KPNA1: variants seen among roughly 807,000 people sequenced by gnomAD.
The protein encoded by KPNA1 is importin subunit alpha-5.
In KPNA1, 10 loss-of-function variants were observed where a neutral mutation model predicts 70.5. The ratio of observed to expected loss-of-function variants is 0.14; its 90% CI spans 0.09 to 0.24. The LOEUF (loss-of-function observed/expected upper bound fraction) is 0.24. KPNA1 is among the 10% of genes least tolerant of loss of function. The pLI is 1.00. For missense variants in KPNA1, 397 were observed against 637.9 expected (o/e 0.62, Z 4.07); for synonymous variants, 192 against 221.9 (o/e 0.87, Z 1.20).
At chr3:122,492,193 A>G (rs191575475) in intron 2 of KPNA1, among the ~76,000 whole-genome samples, 1 of 152,192 alleles carries the variant, frequency 6.6e-6, no homozygotes, top group African/African-American at 2.4e-5. Context: ...TTTCTTTCCA[A>G]TCCTGCTCTG....
At chr3:122,452,097 A>G in intron 6 of KPNA1, 33 bp from the exon 7 acceptor site, 1 of 1,371,964 alleles carries the variant, frequency 7.3e-7, no homozygotes, top group South Asian at 1.2e-5. Flanking sequence ...TAAAGGTTAC[A>G]TAGTTTAATT....
intron 11 of KPNA1, among the ~76,000 whole-genome samples, 177 bp downstream of exon 11, chr3:122,436,993 T>C (rs1184109871): frequency 1.3e-5 from 2 of 152,280 alleles, no homozygotes; most frequent in African/African-American, 2.4e-5. Flanking sequence ...TTGACCAGGA[T>C]AGTCTTGAAC....
In KPNA1 at chr3:122,433,657, T is replaced by C; in HGVS notation, c.1250+4A>G. The C allele has an allele frequency of 6.3e-7, 1 of 1,592,244 alleles. No individual in the cohort carries two copies. Among genetic ancestry groups the C allele is most frequent in the Non-Finnish European group, 8.5e-7 (1 of 1,173,802 alleles). On this transcript the variant is annotated splice_donor_region_variant and intron_variant, in intron 12 of 13. Transcript: ENST00000344337. ...TTACAATATGCTGCCTGATTGGTAC[T>C]TACTTGATCTGTTCAGCTGATCCTC...
intron 2 of KPNA1, among the ~76,000 whole-genome samples, chr3:122,491,963 G>A (rs9862542): frequency 0.098 from 13,777 of 140,078 alleles, 1,488 homozygotes; most frequent in African/African-American, 0.27. Context: ...CCGGGTTCAC[G>A]CCATTCTCCT....
intron 5 of KPNA1, among the ~76,000 whole-genome samples, chr3:122,457,114 ATT>A (rs2076272971): frequency 1.0e-5 from 1 of 97,580 alleles, no homozygotes; most frequent in Non-Finnish European, 2.5e-5. Flanking sequence ...TGTTAAACGT[ATT>A]TATGTTTTTA....
rs57991855 is a variant in KPNA1 at position 122,429,446 on chromosome 3, CAAAAA to C, written c.1251-1735_1251-1731del. On this transcript the variant is annotated intron_variant, in intron 12 of 13. Coordinates refer to ENST00000344337, the MANE Select transcript of KPNA1 (RefSeq NM_002264.4). ...TGGGCGAAAGAGCGAAACTCTGTCT[CAAAAA>C]AAAAAAAAAAAAAAAAAAGAATCTC... Among the ~76,000 whole-genome samples the C allele has an allele frequency of 1.9e-4, 11 of 58,782 alleles. No individual in the cohort carries two copies. In the South Asian group the frequency reaches 2.5e-3, roughly 13 times the overall value. The allele number at this position is 58,782 out of a possible 152,430, so 38.6% of individuals were successfully genotyped here. A position where few individuals can be genotyped will look rare whatever the true frequency, so the allele number is the denominator to read the frequency against.
In KPNA1 at chr3:122,460,588, G is replaced by A. The variant is rs531773284; in HGVS notation, c.432+636C>T. 2.6e-3 allele frequency: 682 copies of A among 261,050 alleles called. 10 individuals are homozygous for A. Among genetic ancestry groups the A allele is most frequent in the Middle Eastern group, 0.017 (9 of 542 alleles). The allele number at this position is 261,050 out of a possible 1,614,324, so 16.2% of individuals were successfully genotyped here. ...GGAGATGGAATTTGCAGTGAGCTGA[G>A]ATCTTGCCACTGCACTCCAGCATGG... On this transcript the variant is annotated intron_variant, in intron 5 of 13. Transcript: ENST00000344337.
rs60832123 is a variant in KPNA1, at chr3:122,496,825, T to C, written c.-5-255A>G. On this transcript the variant is annotated intron_variant, in intron 1 of 13. Transcript: ENST00000344337. ...TTCAAGCAATCCTCCCACTTCAGTT[T>C]CCTGAGTAGCTGGGACCACAGGTGC... is the stretch of plus-strand genomic sequence containing the variant. Among the ~76,000 whole-genome samples, 8 of 152,302 alleles carry C rather than the reference T, an allele frequency of 5.3e-5. No homozygotes were observed. In the East Asian group the frequency reaches 1.5e-3, roughly 29 times the overall value.
rs192164869 is a variant in KPNA1, at chr3:122,458,028, G to C, written c.432+3196C>G. Among the ~76,000 whole-genome samples, 494 of 152,338 alleles carry C rather than the reference G, an allele frequency of 3.2e-3. 3 individuals are homozygous for C. Among genetic ancestry groups the C allele is most frequent in the Middle Eastern group, 0.01 (3 of 294 alleles). On this transcript the variant is annotated intron_variant, in intron 5 of 13. Transcript: ENST00000344337. Reference sequence around the variant, plus strand: ...TGCAGTTTATCACATTAAGCTTTTAGAGGGGACAAGAAAGGCAGAAAAGGG... The same window carrying C: ...TGCAGTTTATCACATTAAGCTTTTACAGGGGACAAGAAAGGCAGAAAAGGG...
At chr3:122,511,834 A>G (rs2076958161) in intron 1 of KPNA1, among the ~76,000 whole-genome samples, 1 of 152,248 alleles carries the variant, frequency 6.6e-6, no homozygotes, top group Non-Finnish European at 1.5e-5. Flanking sequence ...TTTTATACAC[A>G]GTACTCATAC....
At chr3:122,489,051 TGC>T (rs1491005010) in intron 2 of KPNA1, among the ~76,000 whole-genome samples, 24 of 101,224 alleles carry the variant, frequency 2.4e-4, no homozygotes, top group African/African-American at 8.8e-4. Flanking sequence ...TGGGTTTTTT[TGC>T]GTGCGTGTGT....
At chr3:122,507,756 T>C (rs1399156772) in intron 1 of KPNA1, among the ~76,000 whole-genome samples, 1 of 150,436 alleles carries the variant, frequency 6.6e-6, no homozygotes, top group Non-Finnish European at 1.5e-5. Context: ...TTTTGGGGGG[T>C]TAAAAAAAAA....
chr3:122,470,756 T>C (rs1364992327), intron 2 of KPNA1, among the ~76,000 whole-genome samples: 1 of 151,174 alleles, frequency 6.6e-6, no homozygotes. Context: ...ACAATTGATA[T>C]GCTAAGAAAG....
At chr3:122,443,732 A>AG (rs1282713427) in intron 9 of KPNA1, among the ~76,000 whole-genome samples, 3 of 152,144 alleles carry the variant, frequency 2.0e-5, no homozygotes, top group Non-Finnish European at 4.4e-5. Flanking sequence ...CGATTTTCAA[A>AG]GGGGAGGGAG....
chr3:122,504,332 G>T, intron 1 of KPNA1, among the ~76,000 whole-genome samples: 1 of 152,158 alleles, frequency 6.6e-6, no homozygotes, highest in South Asian at 2.1e-4. Flanking sequence ...CATAGCAGAA[G>T]GGGCTAAGGA....
intron 2 of KPNA1, among the ~76,000 whole-genome samples, chr3:122,471,427 C>T (rs1040347735): frequency 1.3e-5 from 2 of 152,100 alleles, no homozygotes; most frequent in Non-Finnish European, 2.9e-5. Context: ...AAGAGACTGT[C>T]GAAGTGGATC....
In KPNA1 at chr3:122,422,666, T is replaced by C. The variant is rs547831366; in HGVS notation, c.*4319A>G. 3 of 152,214 alleles carry C rather than the reference T, an allele frequency of 2.0e-5. No individual in the cohort carries two copies. Among genetic ancestry groups the C allele is most frequent in the Non-Finnish European group, 4.4e-5 (3 of 68,048 alleles). The allele number at this position is 152,214 out of a possible 1,614,324, so 9.4% of individuals were successfully genotyped here. A position where few individuals can be genotyped will look rare whatever the true frequency, so the allele number is the denominator to read the frequency against. Reference sequence around the variant, plus strand: ...GCTCTTCCCCGCCCTTGGACAGCCATCTAAGTGTTGTAACCTTGGGGCAAA... The same window carrying C: ...GCTCTTCCCCGCCCTTGGACAGCCACCTAAGTGTTGTAACCTTGGGGCAAA... On this transcript the variant is annotated 3_prime_UTR_variant, in exon 14 of 14. Transcript: ENST00000344337.
rs1306210889 is a variant in KPNA1 at position 122,424,693 on chromosome 3, C to G, written c.*2292G>C. ...GGGGAGACAACTGTGTGCTTTGTAT[C>G]TTTCCCACTCAAATTGGCTTATAAA... On this transcript the variant is annotated 3_prime_UTR_variant, in exon 14 of 14. Transcript: ENST00000344337. 6.6e-6 allele frequency: 1 copy of G among 152,594 alleles called. No homozygotes were observed. The highest frequency in any genetic ancestry group is 1.5e-5 in the Non-Finnish European group (1 of 68,032). The allele number at this position is 152,594 out of a possible 1,614,324, so 9.5% of individuals were successfully genotyped here. A position where few individuals can be genotyped will look rare whatever the true frequency, so the allele number is the denominator to read the frequency against.
rs758932130 is a variant in KPNA1, at chr3:122,451,538, G to T, written c.749C>A (p.Ala250Glu). ...CRGKSPPPEF[A>E]KVSPCLNVLS... ...TCCCAAAAGCATAGTCCTTACCTTT[G>T]CAAATTCTGGAGGTGGACTTTTCCC... Residue 250 changes from alanine to glutamate, a missense_variant, in exon 8 of 14, where the codon GCA becomes GAA. By Grantham distance (107) the Ala-to-Glu change is moderately radical. Transcript: ENST00000344337. 1.2e-6 allele frequency: 2 copies of T among 1,603,996 alleles called. No individual in the cohort carries two copies. The highest frequency in any genetic ancestry group is 1.1e-5 in the South Asian group (1 of 90,566).
Sources: allele counts gnomAD v4.1 joint callset (sites outside exome capture counted in the v4.1 genomes callset), GRCh38; gene constraint gnomAD v4.1.1; transcripts MANE v1.5; gene names NCBI Gene and HGNC (gene_info 2026-07-23, HGNC 2026-07-21).